The following MYT1L variants were observed in gnomAD, a reference collection of about 807,000 sequenced individuals.
The protein encoded by MYT1L is myelin transcription factor 1 like.
Under a neutral mutation model 126.7 loss-of-function variants are expected in MYT1L, and 12 were observed. The observed-to-expected ratio is 0.09, with a 90% confidence interval of 0.06 to 0.15. The LOEUF is 0.15. Ranked by LOEUF, MYT1L falls within the 10% of genes least tolerant of loss-of-function variation. MYT1L has a pLI of 1.00. For missense variants in MYT1L, 979 were observed against 1,585.2 expected, an observed-to-expected ratio of 0.62 and a Z score of 6.49; for synonymous variants, 541 against 604.2, an observed-to-expected ratio of 0.90 and a Z score of 1.53.
chr2:1,804,153 T>G (rs888871263), intron 22 of MYT1L, among the ~76,000 whole-genome samples: 1 of 152,096 alleles, frequency 6.6e-6, no homozygotes, highest in African/African-American at 2.4e-5. Context: ...TGGAGTTTGC[T>G]CTTGTTGCCC....
In MYT1L at chr2:2,279,581, G is replaced by A. The variant is rs547888336; in HGVS notation, c.-421+4823C>T. 3.3e-3 allele frequency among the ~76,000 whole-genome samples: 491 copies of A among 149,642 alleles called. 3 individuals are homozygous for A. Among genetic ancestry groups the A allele is most frequent in the South Asian group, 0.033 (155 of 4,756 alleles). On this transcript the variant is annotated intron_variant, in intron 2 of 24. Coordinates refer to ENST00000647738, the MANE Select transcript of MYT1L (RefSeq NM_001303052.2). ...GGAATGAATGAATGAAGGAAGGAAGGAAGGAAGGAAGGAAGGAAGGAAGGA... is the reference window on the plus strand; with the variant it reads ...GGAATGAATGAATGAAGGAAGGAAGAAAGGAAGGAAGGAAGGAAGGAAGGA...
chr2:1,956,648 T>TTATC (rs764538375), intron 8 of MYT1L, among the ~76,000 whole-genome samples: 1 of 150,318 alleles, frequency 6.7e-6, no homozygotes, highest in East Asian at 2.0e-4. Context: ...AGCTATCTAT[T>TTATC]TATCTATCTA....
At chr2:1,907,683 A>G (rs946556203) in intron 13 of MYT1L, among the ~76,000 whole-genome samples, 1 of 152,262 alleles carries the variant, frequency 6.6e-6, no homozygotes, top group African/African-American at 2.4e-5. Flanking sequence ...GCTCTTGTTC[A>G]TTGAACGATT....
chr2:2,085,219 A>T (rs1214414454), intron 3 of MYT1L, among the ~76,000 whole-genome samples: 1 of 152,114 alleles, frequency 6.6e-6, no homozygotes, highest in Non-Finnish European at 1.5e-5. Flanking sequence ...CTTTCTGATT[A>T]TTCTGCACAT....
chr2:2,084,412 G>A (rs1255496393), intron 3 of MYT1L, among the ~76,000 whole-genome samples: 1 of 152,218 alleles, frequency 6.6e-6, no homozygotes, highest in Non-Finnish European at 1.5e-5. Flanking sequence ...GTGATGGGAT[G>A]TCCCTCCCAT....
At chr2:1,835,050 C>T (rs113948439) in intron 21 of MYT1L, among the ~76,000 whole-genome samples, 2,711 of 121,734 alleles carry the variant, frequency 0.022, 447 homozygotes, top group African/African-American at 0.096. Context: ...CCACATACCA[C>T]GGGGATGGAT....
chr2:1,794,936 C>A (rs1238798215), intron 23 of MYT1L, among the ~76,000 whole-genome samples: 2 of 152,210 alleles, frequency 1.3e-5, no homozygotes, highest in African/African-American at 4.8e-5. Flanking sequence ...TGAGCCCCGT[C>A]CAGGGTCAGA....
chr2:2,329,048 C>T (rs1390783320), intron 1 of MYT1L, among the ~76,000 whole-genome samples: 1 of 152,152 alleles, frequency 6.6e-6, no homozygotes, highest in Non-Finnish European at 1.5e-5. Flanking sequence ...CTATCAGCTG[C>T]GGACAGCTCC....
chr2:1,934,713 CT>C lies in MYT1L; in HGVS notation c.505+8268del, dbSNP rs937670348. Among the ~76,000 whole-genome samples the C allele has an allele frequency of 4.8e-5, 7 of 146,694 alleles. No individual in the cohort carries two copies. In the East Asian group the frequency reaches 6.4e-4, roughly 13 times the overall value. ...TTTCTCTCTCTCTTCCCCCTACCCCCTGTCTCTGTCATGTACACACACACAC... is the reference window on the plus strand; with the variant it reads ...TTTCTCTCTCTCTTCCCCCTACCCCCGTCTCTGTCATGTACACACACACAC... On this transcript the variant is annotated intron_variant, in intron 9 of 24. Coordinates refer to ENST00000647738, the MANE Select transcript of MYT1L (RefSeq NM_001303052.2).
chr2:1,863,870 TA>T (rs1396254220), intron 18 of MYT1L, among the ~76,000 whole-genome samples: 5 of 152,182 alleles, frequency 3.3e-5, no homozygotes, highest in African/African-American at 1.2e-4. Flanking sequence ...TGAACATTCA[TA>T]AATGTCTTGG....
chr2:2,190,573 AAAAAG>A lies in MYT1L; in HGVS notation c.-420-17590_-420-17586del, dbSNP rs1486839943. On this transcript the variant is annotated intron_variant, in intron 2 of 24. Transcript: ENST00000647738. ...GACCTGTTAAAAAAAAAAAAAAAAA[AAAAAG>A]AAGAAGAAAGCTCACAGAAGAAAGT... Among the ~76,000 whole-genome samples the A allele has an allele frequency of 4.9e-3, 705 of 142,586 alleles. 2 individuals are homozygous for A. The highest frequency in any genetic ancestry group is 0.021 in the African/African-American group (678 of 32,588). 93.5% of individuals were successfully genotyped at this position (142,586 alleles called of 152,430 possible). A position where few individuals can be genotyped will look rare whatever the true frequency, so the allele number is the denominator to read the frequency against.
intron 21 of MYT1L, among the ~76,000 whole-genome samples, chr2:1,837,685 T>C (rs2041096943): frequency 6.6e-6 from 1 of 152,066 alleles, no homozygotes; most frequent in Admixed American, 6.5e-5. Context: ...CCTGGGCTTC[T>C]GTGCACCTAA....
intron 18 of MYT1L, among the ~76,000 whole-genome samples, chr2:1,870,923 C>T (rs73186622): frequency 0.068 from 10,408 of 152,298 alleles, 697 homozygotes; most frequent in African/African-American, 0.18. Context: ...CACTGGGCAT[C>T]TGGACCATCC....
At chr2:2,292,198 G>A (rs929576383) in intron 1 of MYT1L, among the ~76,000 whole-genome samples, 3 of 152,186 alleles carry the variant, frequency 2.0e-5, no homozygotes, top group Non-Finnish European at 4.4e-5. Context: ...GGGGGCGGGC[G>A]CAGGGGCCTG....
At chr2:1,971,083 G>C (rs2059777395) in intron 8 of MYT1L, among the ~76,000 whole-genome samples, 1 of 152,148 alleles carries the variant, frequency 6.6e-6, no homozygotes. Context: ...GAGAGACTGA[G>C]GTGGGAGGAT....
intron 18 of MYT1L, among the ~76,000 whole-genome samples, chr2:1,857,719 C>T (rs1455463618): frequency 3.3e-5 from 5 of 152,100 alleles, no homozygotes; most frequent in Non-Finnish European, 5.9e-5. Context: ...ATTCTGGCCA[C>T]GTGAATAAGC....
At chr2:2,010,144 T>C (rs1000209614) in intron 4 of MYT1L, among the ~76,000 whole-genome samples, 1 of 152,198 alleles carries the variant, frequency 6.6e-6, no homozygotes, top group African/African-American at 2.4e-5. Context: ...ACCAAGGCAG[T>C]GCCCATCTGG....
At chr2:1,845,471 C>T (rs928815121) in intron 19 of MYT1L, among the ~76,000 whole-genome samples, 10 of 152,196 alleles carry the variant, frequency 6.6e-5, no homozygotes, top group African/African-American at 2.2e-4. Context: ...TTCTTTATAC[C>T]GGATGATGAT....
At position 2,007,425 on chromosome 2, in the gene MYT1L, AC is replaced by A. The variant is rs964589697; in HGVS notation, c.-157-10079del. Among the ~76,000 whole-genome samples the A allele has an allele frequency of 7.8e-4, 119 of 152,244 alleles. 2 individuals carry two copies. Among genetic ancestry groups the A allele is most frequent in the South Asian group, 2.1e-4 (1 of 4,830 alleles). On this transcript the variant is annotated intron_variant, in intron 4 of 24. Transcript: ENST00000647738. ...TATTTTGCCAAGGTTAAGGAAAAAAACAAAACAGAATTACAGAAACTGTCTG... is the reference window on the plus strand; with the variant it reads ...TATTTTGCCAAGGTTAAGGAAAAAAAAAAACAGAATTACAGAAACTGTCTG...
Sources: allele counts gnomAD v4.1 joint callset (sites outside exome capture counted in the v4.1 genomes callset), GRCh38; gene constraint gnomAD v4.1.1; transcripts MANE v1.5; gene names NCBI Gene and HGNC (gene_info 2026-07-23, HGNC 2026-07-21).